The following FAM227B variants were observed in gnomAD, a reference collection of about 807,000 sequenced individuals.
FAM227B encodes protein FAM227B.
FAM227B carries 88 observed loss-of-function variants against 73.8 expected under a neutral mutation model. The observed-to-expected ratio is 1.19, with a 90% CI of 1.00 to 1.42. The LOEUF (loss-of-function observed/expected upper bound fraction) is 1.42, where lower values mean the gene tolerates loss of function less well. Among genes scored for constraint, FAM227B ranks in the 40% most tolerant of loss-of-function variants. The pLI, the probability that FAM227B is intolerant of heterozygous loss-of-function variation, is 0.00. For synonymous variants in FAM227B, 210 were observed against 190.5 expected (o/e 1.10, Z -0.84); for missense variants, 632 against 590.9 (o/e 1.07, Z -0.72).
At chr15:49,531,893 C>CA (rs1176552107) in intron 10 of FAM227B, among the ~76,000 whole-genome samples, 1 of 151,232 alleles carries the variant, frequency 6.6e-6, no homozygotes, top group East Asian at 1.9e-4. Context: ...TGAATACTGC[C>CA]AAAAAACATA....
chr15:49,529,498 C>T (rs1313649096), intron 10 of FAM227B, among the ~76,000 whole-genome samples: 1 of 151,590 alleles, frequency 6.6e-6, no homozygotes, highest in African/African-American at 2.4e-5. Flanking sequence ...AATAAACATA[C>T]ACACAAAAGA....
intron 11 of FAM227B, among the ~76,000 whole-genome samples, chr15:49,380,941 G>C (rs776751338): frequency 5.3e-5 from 8 of 152,114 alleles, no homozygotes. Context: ...ATGGTTCTGC[G>C]GGATGTACAA....
chr15:49,534,366 A>C (rs906228941), intron 10 of FAM227B, among the ~76,000 whole-genome samples: 1 of 151,924 alleles, frequency 6.6e-6, no homozygotes, highest in African/African-American at 2.4e-5. Context: ...AAAAACTGTC[A>C]CAAGGGACAA....
rs528918546 is a variant in FAM227B, at chr15:49,480,703, G to C, written c.1012+27508C>G. On this transcript the variant is annotated intron_variant, in intron 11 of 15. Transcript: ENST00000299338. ...TCGCCATGTTGGCCAGGTTAGTATT[G>C]AATTCCTGACCTCAAGTGTTCCGCC... Among the ~76,000 whole-genome samples the C allele has an allele frequency of 2.0e-5, 3 of 152,092 alleles. No individual in the cohort carries two copies. In the East Asian group the frequency reaches 5.8e-4, roughly 29 times the overall value.
chr15:49,351,722 C>T (rs6493363), intron 13 of FAM227B, among the ~76,000 whole-genome samples: 100,431 of 151,904 alleles, frequency 0.66, 33,716 homozygotes, highest in African/African-American at 0.74. Context: ...AAAGTTGAAC[C>T]CTGATAACAG....
intron 12 of FAM227B, among the ~76,000 whole-genome samples, chr15:49,369,180 A>G (rs1012424075): frequency 6.6e-6 from 1 of 151,766 alleles, no homozygotes; most frequent in African/African-American, 2.4e-5. Context: ...GATGGTTTTG[A>G]TCTCCTGACC....
intron 11 of FAM227B, among the ~76,000 whole-genome samples, chr15:49,416,564 A>T (rs2049225752): frequency 6.6e-6 from 1 of 152,144 alleles, no homozygotes; most frequent in Admixed American, 6.5e-5. Flanking sequence ...AGAAGAAGTC[A>T]AACTACCCTG....
intron 11 of FAM227B, among the ~76,000 whole-genome samples, chr15:49,467,074 T>C (rs1174798591): frequency 1.3e-5 from 2 of 151,990 alleles, no homozygotes; most frequent in Admixed American, 6.6e-5. Context: ...TAGACACAAG[T>C]TAAAGAGGGA....
chr15:49,605,793 G>A (rs2077482905), intron 3 of FAM227B, among the ~76,000 whole-genome samples: 1 of 152,104 alleles, frequency 6.6e-6, no homozygotes, highest in African/African-American at 2.4e-5. Flanking sequence ...TCATGTGGTA[G>A]CCTAAAATCA....
intron 11 of FAM227B, among the ~76,000 whole-genome samples, chr15:49,378,534 A>G (rs1452557831): frequency 6.6e-6 from 1 of 151,870 alleles, no homozygotes; most frequent in East Asian, 1.9e-4. Flanking sequence ...CACTTCTTTG[A>G]TAATTCCTAG....
At chr15:49,538,356 C>A (rs1193982181) in intron 10 of FAM227B, among the ~76,000 whole-genome samples, 1 of 152,156 alleles carries the variant, frequency 6.6e-6, no homozygotes, top group African/African-American at 2.4e-5. Context: ...AGCACTTCAT[C>A]AGTTTGGCCG....
chr15:49,447,704 T>C (rs751254384), intron 11 of FAM227B, among the ~76,000 whole-genome samples: 2 of 151,712 alleles, frequency 1.3e-5, no homozygotes, highest in African/African-American at 2.4e-5. Context: ...AATCAATTCA[T>C]GGATAATTGT....
intron 5 of FAM227B, among the ~76,000 whole-genome samples, chr15:49,580,303 T>C (rs1222889878): frequency 1.3e-5 from 2 of 152,198 alleles, no homozygotes; most frequent in African/African-American, 4.8e-5. Flanking sequence ...GCCACTTGGC[T>C]GAGCGAGTGC....
intron 3 of FAM227B, among the ~76,000 whole-genome samples, chr15:49,603,780 AGCTGTGGGTCT>A (rs1175245234): frequency 6.6e-6 from 1 of 152,182 alleles, no homozygotes; most frequent in African/African-American, 2.4e-5. Flanking sequence ...GTGTGTTACT[AGCTGTGGGTCT>A]GTCATATATA....
intron 11 of FAM227B, among the ~76,000 whole-genome samples, chr15:49,461,955 A>G (rs2151931299): frequency 6.6e-6 from 1 of 152,264 alleles, no homozygotes; most frequent in East Asian, 1.9e-4. Context: ...AGATTACTTG[A>G]GGTAAGGAGT....
At chr15:49,503,312 T>C (rs8041131) in intron 11 of FAM227B, among the ~76,000 whole-genome samples, 134,511 of 151,800 alleles carry the variant, frequency 0.89, 60,956 homozygotes, top group Non-Finnish European at 0.98. Flanking sequence ...GACCTAAAAC[T>C]ATAAAAACCC....
At chr15:49,562,026 C>G (rs1263633199) in intron 9 of FAM227B, among the ~76,000 whole-genome samples, 1 of 151,856 alleles carries the variant, frequency 6.6e-6, no homozygotes, top group Non-Finnish European at 1.5e-5. Flanking sequence ...AGTTGAGACC[C>G]AGAAATCCAT....
At chr15:49,341,958 T>G (rs2040798497) in intron 13 of FAM227B, among the ~76,000 whole-genome samples, 1 of 152,202 alleles carries the variant, frequency 6.6e-6, no homozygotes, top group Admixed American at 6.5e-5. Context: ...GAGCATGTGG[T>G]TAATATTAGA....
chr15:49,329,302 A>G (rs2038136467), intron 15 of FAM227B: 1 of 985,458 alleles, frequency 1.0e-6, no homozygotes, highest in Non-Finnish European at 1.2e-6. Flanking sequence ...TCTCTTGTGG[A>G]TGGACTATAG....
Sources: gnomAD v4.1 joint callset for allele counts (sites outside exome capture counted in the v4.1 genomes callset) on GRCh38, gnomAD v4.1.1 for gene constraint, MANE v1.5 for transcripts, NCBI Gene and HGNC (gene_info 2026-07-23, HGNC 2026-07-21) for gene names.